PLIN2: variants seen among roughly 807,000 people sequenced by gnomAD.
PLIN2 encodes the protein perilipin 2.
A neutral mutation model predicts 30.6 loss-of-function variants in PLIN2; 33 were observed. The observed-to-expected ratio is 1.08, with a 90% confidence interval of 0.82 to 1.44. PLIN2 has a LOEUF of 1.44. Among genes scored for constraint, PLIN2 ranks in the 40% most tolerant of loss-of-function variants. The pLI, the probability that PLIN2 is intolerant of heterozygous loss-of-function variation, is 0.00. For missense variants in PLIN2, 610 were observed against 531.8 expected, an observed-to-expected ratio of 1.15 and a Z score of -1.45; for synonymous variants, 205 against 201.1, an observed-to-expected ratio of 1.02 and a Z score of -0.16.
intron 6 of PLIN2, 82 bp from the exon 7 acceptor site, chr9:19,118,537 G>A: frequency 2.3e-6 from 3 of 1,292,400 alleles, no homozygotes; most frequent in Non-Finnish European, 3.2e-6. Context: ...ATGTAAATCA[G>A]GCAACATAAA....
intron 4 of PLIN2, chr9:19,123,149 A>G: frequency 1.8e-6 from 1 of 564,724 alleles, no homozygotes; most frequent in Admixed American, 3.1e-5. Context: ...CAGGACAGAC[A>G]AGCCTATCAT....
downstream of PLIN2, among the ~76,000 whole-genome samples, chr9:19,114,588 G>T (rs1433782265): frequency 4.0e-5 from 6 of 151,872 alleles, no homozygotes; most frequent in Non-Finnish European, 2.9e-5. Context: ...ATTTTTTGTA[G>T]AGAAAGGGTT....
At chr9:19,110,989 C>G (rs1818152070), downstream of PLIN2, among the ~76,000 whole-genome samples, 1 of 152,184 alleles carries the variant, frequency 6.6e-6, no homozygotes, top group Admixed American at 6.6e-5. Flanking sequence ...CTGTCTACCT[C>G]CCACTGCAAA....
chr9:19,126,229 C>CT lies in PLIN2; in HGVS notation c.110dup (p.Asp38GlyfsTer11). ...CAGACTTCAGGTAGGGATACTGGTCCTTTGTACTGAGATAGGCTGAGGACA... is the reference window on the plus strand; with the variant it reads ...CAGACTTCAGGTAGGGATACTGGTCCTTTTGTACTGAGATAGGCTGAGGACA... On this transcript the variant is annotated frameshift_variant, in exon 3 of 8. Coordinates refer to ENST00000276914, the MANE Select transcript of PLIN2 (RefSeq NM_001122.4). LOFTEE classifies it high-confidence loss of function. 1 of 1,614,110 alleles carries CT rather than the reference C, an allele frequency of 6.2e-7. No individual in the cohort carries two copies. The highest frequency in any genetic ancestry group is 8.5e-7 in the Non-Finnish European group (1 of 1,180,016).
chr9:19,126,948 A>G (rs909098299), intron 1 of PLIN2, among the ~76,000 whole-genome samples: 2 of 152,104 alleles, frequency 1.3e-5, no homozygotes, highest in Non-Finnish European at 2.9e-5. Context: ...AGGCTGAGGC[A>G]GGAGAATCGC....
At chr9:19,108,753 A>G (rs1473249838) in intron 2 of PLIN2, 3 of 152,636 alleles carry the variant, frequency 2.0e-5, no homozygotes, top group Non-Finnish European at 4.4e-5. Flanking sequence ...AACACCTGTA[A>G]AAGAAGAATC....
intron 7 of PLIN2, among the ~76,000 whole-genome samples, chr9:19,118,014 A>G (rs1310768351): frequency 6.6e-6 from 1 of 152,226 alleles, no homozygotes; most frequent in Non-Finnish European, 1.5e-5. Context: ...AGCATTAAAA[A>G]GGCACAAAAT....
intron 6 of PLIN2, 125 bp downstream of exon 6, chr9:19,119,525 C>A: frequency 1.7e-6 from 1 of 604,490 alleles, no homozygotes; most frequent in Non-Finnish European, 2.9e-6. Flanking sequence ...TATTCTTTGT[C>A]CAGTTTTCTA....
intron 3 of PLIN2, among the ~76,000 whole-genome samples, chr9:19,124,285 T>C (rs1207342238): frequency 3.3e-5 from 5 of 152,042 alleles, no homozygotes; most frequent in Non-Finnish European, 7.4e-5. Context: ...GAGAATAAGG[T>C]ATCTGGAAAC....
intron 2 of PLIN2, 34 bp from the exon 3 acceptor site, chr9:19,126,343 T>A: frequency 6.2e-7 from 1 of 1,613,608 alleles, no homozygotes; most frequent in Non-Finnish European, 8.5e-7. Flanking sequence ...TGCTTATTAA[T>A]CTCTCAAAAC....
chr9:19,116,029 G>T lies in PLIN2; in HGVS notation c.*219C>A. 2.2e-6 allele frequency: 1 copy of T among 455,004 alleles called. No individual in the cohort carries two copies. The highest frequency in any genetic ancestry group is 3.6e-5 in the East Asian group (1 of 28,102). 28.2% of individuals were successfully genotyped at this position (455,004 alleles called of 1,614,324 possible). On this transcript the variant is annotated 3_prime_UTR_variant, in exon 8 of 8. Coordinates refer to ENST00000276914, the MANE Select transcript of PLIN2 (RefSeq NM_001122.4). ...AATTTTTTCTGAGTTCTGGCTATAG[G>T]CTCTGACAAGCCTATCATTCTTTTC...
intron 3 of PLIN2, among the ~76,000 whole-genome samples, chr9:19,125,331 T>C (rs1588648156): frequency 1.3e-5 from 2 of 152,086 alleles, no homozygotes; most frequent in Admixed American, 6.6e-5. Flanking sequence ...GGCGGGCGGA[T>C]CACCTGGGGT....
chr9:19,116,262 G>T lies in PLIN2; in HGVS notation c.1300C>A (p.His434Asn). 8 of 1,595,762 alleles carry T rather than the reference G, an allele frequency of 5.0e-6. No homozygotes were observed. The highest frequency in any genetic ancestry group is 6.8e-6 in the Non-Finnish European group (8 of 1,170,100). Residue 434 changes from histidine to asparagine, a missense_variant, in exon 8 of 8, where the codon CAT (histidine) becomes AAT (asparagine). His to Asn is a moderately conservative substitution (Grantham distance 68, BLOSUM62 1). Transcript: ENST00000276914. ...KSSQETQRSEHKTH is the reference protein window; with the variant it reads ...KSSQETQRSENKTH Reference sequence around the variant, plus strand: ...TAGGGGCAGGTTTAATGAGTTTTATGCTCAGATCGCTGGGTCTCCTGGCTG... The same window carrying T: ...TAGGGGCAGGTTTAATGAGTTTTATTCTCAGATCGCTGGGTCTCCTGGCTG...
Position 19,119,639 on chromosome 9 carries a change from G to A in PLIN2, c.777+11C>T. The A allele has an allele frequency of 1.3e-6, 2 of 1,523,546 alleles. No homozygotes were observed. The highest frequency in any genetic ancestry group is 1.8e-6 in the Non-Finnish European group (2 of 1,124,570). 94.4% of individuals were successfully genotyped at this position (1,523,546 alleles called of 1,614,324 possible). A position where few individuals can be genotyped will look rare whatever the true frequency, so the allele number is the denominator to read the frequency against. ...CCCACTTCAGACACCTTAAAATAAA[G>A]TTTTACTCACCAGGTGAACAGTAGA... On this transcript the variant is annotated intron_variant, in intron 6 of 7. Coordinates refer to ENST00000276914, the MANE Select transcript of PLIN2 (RefSeq NM_001122.4).
At chr9:19,121,925 C>G (rs1818323811) in intron 4 of PLIN2, among the ~76,000 whole-genome samples, 1 of 151,952 alleles carries the variant, frequency 6.6e-6, no homozygotes. Context: ...GAGCAAAACT[C>G]TGTCTCAAAA....
intron 3 of PLIN2, 149 bp from the exon 4 acceptor site, chr9:19,123,796 G>T (rs991910834): frequency 1.6e-6 from 1 of 614,068 alleles, no homozygotes; most frequent in African/African-American, 1.8e-5. Context: ...TGAGGCAGGC[G>T]GATCACGAGG....
At chr9:19,110,488 T>C (rs1370583712) in intron 2 of PLIN2, among the ~76,000 whole-genome samples, 1 of 152,166 alleles carries the variant, frequency 6.6e-6, no homozygotes, top group Non-Finnish European at 1.5e-5. Flanking sequence ...TGTTTGTTTG[T>C]TTGTTTTGAG....
chr9:19,116,505 T>C lies in PLIN2; in HGVS notation c.1057A>G (p.Ile353Val). 1 of 1,614,190 alleles carries C rather than the reference T, an allele frequency of 6.2e-7. No individual in the cohort carries two copies. The highest frequency in any genetic ancestry group is 2.2e-5 in the East Asian group (1 of 44,886). ...GCAGCATTGCGGAACACTGAGTAGA[T>C]GTCGCCTGCCATCACCCCCATGTGC... is the stretch of plus-strand genomic sequence containing the variant. Reference protein sequence around the residue: ...AKHMGVMAGDIYSVFRNAASF... With the variant: ...AKHMGVMAGDVYSVFRNAASF... The change falls in exon 8 of 8, where the codon ATC becomes GTC. Residue 353 changes from isoleucine (I) to valine (V), a missense_variant. Ile to Val is a conservative substitution (Grantham distance 29). Transcript: ENST00000276914.
At chr9:19,122,073 C>T (rs1818326988) in intron 4 of PLIN2, among the ~76,000 whole-genome samples, 1 of 132,358 alleles carries the variant, frequency 7.6e-6, no homozygotes, top group South Asian at 2.4e-4. Flanking sequence ...TGTGCCACTG[C>T]ACTCCAGCCT....
Sources: gnomAD v4.1 joint callset for allele counts (sites outside exome capture counted in the v4.1 genomes callset) on GRCh38, gnomAD v4.1.1 for gene constraint, MANE v1.5 for transcripts, NCBI Gene and HGNC (gene_info 2026-07-23, HGNC 2026-07-21) for gene names.